The following COL26A1 variants were observed in gnomAD, a reference collection of about 807,000 sequenced individuals.
The protein encoded by COL26A1 is collagen type XXVI alpha 1 chain, also known as collagen alpha-1(XXVI) chain.
In COL26A1, 41 loss-of-function variants were observed where a neutral mutation model predicts 59.3. That is an observed-to-expected ratio of 0.69 (90% confidence interval 0.54 to 0.90). COL26A1 has a LOEUF of 0.90. Among genes scored for constraint, COL26A1 ranks in the 40% least tolerant of loss-of-function variants. The pLI is 0.00. For synonymous variants in COL26A1, 266 were observed against 256.0 expected (o/e 1.04, Z -0.37); for missense variants, 612 against 602.3 (o/e 1.02, Z -0.17).
At chr7:101,405,579 A>C (rs1792110483) in intron 1 of COL26A1, among the ~76,000 whole-genome samples, 1 of 152,072 alleles carries the variant, frequency 6.6e-6, no homozygotes, top group South Asian at 2.1e-4. Flanking sequence ...GATGCTTCCT[A>C]AAATGATCCT....
In COL26A1 at chr7:101,489,760, T is replaced by TG. The variant is rs1563007793; in HGVS notation, c.385+41973_385+41974insG. Among the ~76,000 whole-genome samples the TG allele has an allele frequency of 9.5e-3, 39 of 4,086 alleles. 12 individuals are homozygous for TG. Among genetic ancestry groups the TG allele is most frequent in the Admixed American group, 0.013 (4 of 316 alleles). The allele number at this position is 4,086 out of a possible 152,430, so 2.7% of individuals were successfully genotyped here. A position where few individuals can be genotyped will look rare whatever the true frequency, so the allele number is the denominator to read the frequency against. ...TTCTCTCTTTCTTTCTTGTCTCTCT[T>TG]TCTTTCTTTCTTTCTTTCTTTCTTT... On this transcript the variant is annotated intron_variant, in intron 3 of 12. Transcript: ENST00000313669.
chr7:101,525,476 T>C (rs1584485947), intron 3 of COL26A1, among the ~76,000 whole-genome samples: 1 of 148,786 alleles, frequency 6.7e-6, no homozygotes. Flanking sequence ...CCACTGAGCC[T>C]GGCCTCTGAC....
At chr7:101,487,358 G>T (rs925456181) in intron 3 of COL26A1, among the ~76,000 whole-genome samples, 5 of 152,092 alleles carry the variant, frequency 3.3e-5, no homozygotes, top group Admixed American at 1.3e-4. Context: ...TCTTGCTGAG[G>T]CTTGGATTCC....
intron 6 of COL26A1, among the ~76,000 whole-genome samples, chr7:101,544,960 G>A (rs531282762): frequency 1.1e-4 from 16 of 152,276 alleles, no homozygotes; most frequent in African/African-American, 3.1e-4. Context: ...TCCTGCCGGG[G>A]AAGGACCCCT....
At chr7:101,465,785 A>G (rs1365440139) in intron 3 of COL26A1, among the ~76,000 whole-genome samples, 1 of 151,916 alleles carries the variant, frequency 6.6e-6, no homozygotes, top group East Asian at 1.9e-4. Flanking sequence ...GCCCCTTCCC[A>G]TGTAACCGGA....
chr7:101,508,610 T>C (rs1407125454), intron 3 of COL26A1, among the ~76,000 whole-genome samples: 1 of 136,138 alleles, frequency 7.3e-6, no homozygotes, highest in Non-Finnish European at 1.6e-5. Context: ...AGATGAAACA[T>C]TGGCCCCTCT....
intron 3 of COL26A1, among the ~76,000 whole-genome samples, chr7:101,515,523 A>G (rs1795010728): frequency 6.6e-6 from 1 of 151,070 alleles, no homozygotes; most frequent in African/African-American, 2.4e-5. Context: ...GCTTCAAGTG[A>G]TCTGCCCGCC....
chr7:101,503,313 A>G (rs1177683873), intron 3 of COL26A1, among the ~76,000 whole-genome samples: 1 of 152,088 alleles, frequency 6.6e-6, no homozygotes. Flanking sequence ...CACTTCTCAA[A>G]CTGTCCCACG....
intron 3 of COL26A1, among the ~76,000 whole-genome samples, chr7:101,528,776 C>T (rs984056440): frequency 2.0e-5 from 3 of 152,112 alleles, no homozygotes; most frequent in African/African-American, 4.8e-5. Context: ...CTCAAACTCC[C>T]GGGCTCAAGC....
chr7:101,545,393 C>T lies in COL26A1; in HGVS notation c.759C>T (p.Gly253=), dbSNP rs377391842. 3 of 1,588,098 alleles carry T rather than the reference C, an allele frequency of 1.9e-6. No individual in the cohort carries two copies. The African/African-American group carries it at 4.1e-5, about 22-fold the overall frequency. ...TTCCTGGAGAGATGGGGCGCCCCGG[C>T]CCCCCAGGACCACCCGGCCCAGCAG... The part of the protein sequence containing the change: ...RGLPGEMGRP[G]PPGPPGPAGN... The change falls in exon 7 of 13, where the codon GGC becomes GGT. Residue 253 remains glycine, a synonymous_variant. Transcript: ENST00000313669.
At position 101,390,044 on chromosome 7, in the gene COL26A1, C is replaced by T. The variant is rs189600387; in HGVS notation, c.158+26854C>T. Among the ~76,000 whole-genome samples, 11 of 151,440 alleles carry T rather than the reference C, an allele frequency of 7.3e-5. No individual in the cohort carries two copies. The South Asian group carries it at 2.1e-3, about 29-fold the overall frequency. On this transcript the variant is annotated intron_variant, in intron 1 of 12. Transcript: ENST00000313669. The stretch of plus-strand genomic sequence containing the variant: ...AATTTATTGATATCTCTTTTTTTCT[C>T]CTGTTGGCTGGGCTTTTTTTGGGTG...
upstream of COL26A1, chr7:101,362,720 G>T (rs573555957): frequency 2.3e-5 from 10 of 429,330 alleles, no homozygotes; most frequent in African/African-American, 2.1e-4. Context: ...TTAGGCTCCA[G>T]GGACCTCCTG....
At chr7:101,439,752 G>A (rs966396558) in intron 2 of COL26A1, among the ~76,000 whole-genome samples, 29 of 152,030 alleles carry the variant, frequency 1.9e-4, no homozygotes, top group African/African-American at 6.8e-4. Flanking sequence ...GAGAATCCAG[G>A]CATCAGAGGC....
At chr7:101,386,271 T>TG (rs1365681536) in intron 1 of COL26A1, among the ~76,000 whole-genome samples, 22 of 148,480 alleles carry the variant, frequency 1.5e-4, no homozygotes, top group African/African-American at 5.7e-4. Context: ...TTTTTTTTTT[T>TG]TTTTTTTTTA....
intron 1 of COL26A1, among the ~76,000 whole-genome samples, chr7:101,375,731 T>C (rs1272464466): frequency 6.6e-6 from 1 of 151,590 alleles, no homozygotes; most frequent in Non-Finnish European, 1.5e-5. Context: ...CTCACGCTTG[T>C]AATCCCAGCA....
At chr7:101,465,691 C>CAAAAAAA (rs539721605) in intron 3 of COL26A1, among the ~76,000 whole-genome samples, 1 of 102,660 alleles carries the variant, frequency 9.7e-6, no homozygotes, top group African/African-American at 3.6e-5. Context: ...GAAACTGTCT[C>CAAAAAAA]AAAAAAAAAA....
intron 3 of COL26A1, among the ~76,000 whole-genome samples, chr7:101,518,002 C>T (rs576608997): frequency 2.0e-4 from 30 of 151,758 alleles, no homozygotes; most frequent in African/African-American, 6.0e-4. Flanking sequence ...CTTTGAGAGA[C>T]GATGTCTTGC....
chr7:101,411,073 C>T (rs1792231367), intron 1 of COL26A1, among the ~76,000 whole-genome samples: 4 of 152,098 alleles, frequency 2.6e-5, no homozygotes, highest in African/African-American at 9.7e-5. Context: ...AGCTGGACAC[C>T]CCCAACCTTG....
chr7:101,406,269 G>T lies in COL26A1; in HGVS notation c.159-13708G>T, dbSNP rs77440595. 2.0e-5 allele frequency among the ~76,000 whole-genome samples: 3 copies of T among 152,202 alleles called. No individual in the cohort carries two copies. In the South Asian group the frequency reaches 6.2e-4, roughly 32 times the overall value. On this transcript the variant is annotated intron_variant, in intron 1 of 12. Transcript: ENST00000313669. ...CCAGTAAAAACTATTATGAGGAAAC[G>T]CAGGCAGGTCTATCTGCTATCCAAA...
Sources: gnomAD v4.1 joint callset for allele counts (sites outside exome capture counted in the v4.1 genomes callset) on GRCh38, gnomAD v4.1.1 for gene constraint, MANE v1.5 for transcripts, NCBI Gene and HGNC (gene_info 2026-07-23, HGNC 2026-07-21) for gene names.